FNDC3B: variants seen among roughly 807,000 people sequenced by gnomAD.
FNDC3B encodes the protein fibronectin type III domain containing 3B, also known as fibronectin type III domain-containing protein 3B.
A neutral mutation model predicts 151.5 loss-of-function variants in FNDC3B; 12 were observed. The ratio of observed to expected loss-of-function variants is 0.08; its 90% CI spans 0.05 to 0.13. FNDC3B has a LOEUF of 0.13. Among genes scored for constraint, FNDC3B ranks in the 10% least tolerant of loss-of-function variants. FNDC3B has a pLI of 1.00. For synonymous variants in FNDC3B, 528 were observed against 549.0 expected (o/e 0.96, Z 0.54); for missense variants, 1,214 against 1,505.3 (o/e 0.81, Z 3.20).
At chr3:172,202,736 C>T (rs1199993493) in intron 3 of FNDC3B, among the ~76,000 whole-genome samples, 2 of 152,228 alleles carry the variant, frequency 1.3e-5, no homozygotes, top group African/African-American at 2.4e-5. Context: ...GCGGTCATTC[C>T]ACCTTCCCCT....
intron 3 of FNDC3B, among the ~76,000 whole-genome samples, chr3:172,208,469 A>G (rs1576799080): frequency 6.6e-6 from 1 of 152,340 alleles, no homozygotes; most frequent in South Asian, 2.1e-4. Flanking sequence ...AGAAGACCGA[A>G]TGTGTAGTTT....
chr3:172,143,722 A>G (rs1266973092), intron 3 of FNDC3B, among the ~76,000 whole-genome samples: 1 of 152,020 alleles, frequency 6.6e-6, no homozygotes, highest in African/African-American at 2.4e-5. Flanking sequence ...CATCCTGGCC[A>G]ACATGGTGAA....
At chr3:172,116,968 T>G (rs1720290510) in intron 2 of FNDC3B, among the ~76,000 whole-genome samples, 1 of 152,244 alleles carries the variant, frequency 6.6e-6, no homozygotes, top group South Asian at 2.1e-4. Flanking sequence ...CCACATTTTA[T>G]TAATCCACTC....
At chr3:172,086,796 A>G (rs1718569267) in intron 1 of FNDC3B, among the ~76,000 whole-genome samples, 3 of 152,244 alleles carry the variant, frequency 2.0e-5, no homozygotes, top group Admixed American at 2.0e-4. Context: ...CTCAGTGTAT[A>G]TTAAAAGTTC....
At chr3:172,204,448 C>T (rs1029594769) in intron 3 of FNDC3B, among the ~76,000 whole-genome samples, 3 of 152,136 alleles carry the variant, frequency 2.0e-5, no homozygotes, top group Admixed American at 6.5e-5. Context: ...CTCTGAGTTT[C>T]CAACTCATGG....
At chr3:172,346,039 G>A (rs997079054) in intron 19 of FNDC3B, 7 of 184,598 alleles carry the variant, frequency 3.8e-5, no homozygotes, top group African/African-American at 1.6e-4. Flanking sequence ...TCAAAAATCA[G>A]CATATTTTTA....
intron 22 of FNDC3B, among the ~76,000 whole-genome samples, chr3:172,354,693 G>A (rs1009561065): frequency 2.0e-5 from 3 of 151,692 alleles, no homozygotes; most frequent in African/African-American, 7.3e-5. Context: ...GTATTTCAGG[G>A]AACCAAAGGT....
At chr3:172,065,105 G>A (rs1238148623) in intron 1 of FNDC3B, among the ~76,000 whole-genome samples, 5 of 152,106 alleles carry the variant, frequency 3.3e-5, no homozygotes, top group East Asian at 1.9e-4. Flanking sequence ...AGTCTGAGGC[G>A]GACGGATCAT....
intron 1 of FNDC3B, among the ~76,000 whole-genome samples, chr3:172,093,524 C>T (rs1252245592): frequency 1.3e-5 from 2 of 152,150 alleles, no homozygotes; most frequent in Non-Finnish European, 2.9e-5. Context: ...TCCCAAAATG[C>T]TGGGATTACA....
chr3:172,068,264 G>A (rs1184292347), intron 1 of FNDC3B, among the ~76,000 whole-genome samples: 1 of 152,154 alleles, frequency 6.6e-6, no homozygotes, highest in Non-Finnish European at 1.5e-5. Flanking sequence ...GAGTGAATGG[G>A]GAAGCGCCAG....
At chr3:172,092,853 CG>C (rs1248870013) in intron 1 of FNDC3B, among the ~76,000 whole-genome samples, 15 of 152,162 alleles carry the variant, frequency 9.9e-5, no homozygotes, top group Admixed American at 2.0e-4. Flanking sequence ...TTGCCCAGGC[CG>C]GAGCGCAGTG....
intron 16 of FNDC3B, among the ~76,000 whole-genome samples, chr3:172,339,359 G>A (rs1446418418): frequency 1.3e-5 from 2 of 151,914 alleles, no homozygotes; most frequent in Non-Finnish European, 2.9e-5. Flanking sequence ...TCAGGAGTTC[G>A]AGACCAGCCT....
chr3:172,190,417 T>C lies in FNDC3B; in HGVS notation c.188-36454T>C, dbSNP rs192125125. Among the ~76,000 whole-genome samples the C allele has an allele frequency of 5.9e-5, 9 of 152,308 alleles. No homozygotes were observed. The East Asian group carries it at 1.7e-3, about 29-fold the overall frequency. On this transcript the variant is annotated intron_variant, in intron 3 of 25. Coordinates refer to ENST00000415807, the MANE Select transcript of FNDC3B (RefSeq NM_022763.4). The stretch of plus-strand genomic sequence containing the variant: ...GAAGGTGATGTAGAAATGCTTTTAG[T>C]GTTCTTCCAAATGCTAGGAATCGGA...
intron 3 of FNDC3B, among the ~76,000 whole-genome samples, chr3:172,136,064 C>T (rs1721347019): frequency 6.6e-6 from 1 of 152,190 alleles, no homozygotes; most frequent in Non-Finnish European, 1.5e-5. Flanking sequence ...GTCGAAAAGT[C>T]ACAAAGCTAG....
At chr3:172,193,065 A>C in intron 3 of FNDC3B, among the ~76,000 whole-genome samples, 1 of 150,808 alleles carries the variant, frequency 6.6e-6, no homozygotes, top group African/African-American at 2.4e-5. Flanking sequence ...ATCTCTCCAA[A>C]TCTGTCCTCT....
chr3:172,260,331 T>G (rs1322553247), intron 6 of FNDC3B, among the ~76,000 whole-genome samples: 1 of 152,234 alleles, frequency 6.6e-6, no homozygotes, highest in Non-Finnish European at 1.5e-5. Context: ...TATGTACTAG[T>G]TGGGACCTTG....
chr3:172,341,911 T>C (rs1733346219), intron 17 of FNDC3B, among the ~76,000 whole-genome samples: 1 of 152,196 alleles, frequency 6.6e-6, no homozygotes, highest in South Asian at 2.1e-4. Flanking sequence ...ACTCTAGAAA[T>C]AATTGTTATC....
chr3:172,197,863 G>T (rs2108683486), intron 3 of FNDC3B, among the ~76,000 whole-genome samples: 1 of 152,270 alleles, frequency 6.6e-6, no homozygotes, highest in East Asian at 1.9e-4. Flanking sequence ...TTTGATCATT[G>T]ACTAAGATGG....
intron 11 of FNDC3B, among the ~76,000 whole-genome samples, chr3:172,316,156 T>C (rs879512375): frequency 7.2e-5 from 11 of 152,088 alleles, no homozygotes; most frequent in Non-Finnish European, 1.3e-4. Context: ...TACAGGCGTC[T>C]GCCACCACAC....
Sources: allele counts gnomAD v4.1 joint callset (sites outside exome capture counted in the v4.1 genomes callset), GRCh38; gene constraint gnomAD v4.1.1; transcripts MANE v1.5; gene names NCBI Gene and HGNC (gene_info 2026-07-23, HGNC 2026-07-21).